Variants in PRMT8 observed in about 807,000 individuals in gnomAD.
PRMT8 encodes the protein protein arginine N-methyltransferase 8.
A neutral mutation model predicts 47.1 loss-of-function variants in PRMT8; 7 were observed. The observed-to-expected ratio is 0.15, with a 90% CI of 0.08 to 0.28. The LOEUF is 0.28. Ranked by LOEUF, PRMT8 falls within the 10% of genes least tolerant of loss-of-function variation. The pLI, the probability that PRMT8 is intolerant of heterozygous loss-of-function variation, is 1.00. For missense variants in PRMT8, 237 were observed against 505.4 expected, an observed-to-expected ratio of 0.47 and a Z score of 5.09; for synonymous variants, 188 against 186.5, an observed-to-expected ratio of 1.01 and a Z score of -0.07.
At chr12:3,404,111 T>G (rs1007979663) in intron 1 of PRMT8, among the ~76,000 whole-genome samples, 3 of 152,150 alleles carry the variant, frequency 2.0e-5, no homozygotes, top group Non-Finnish European at 2.9e-5. Context: ...AATGAAATGT[T>G]GTAGATACTG....
chr12:3,584,578 A>C (rs1867131827), intron 8 of PRMT8, among the ~76,000 whole-genome samples: 1 of 152,312 alleles, frequency 6.6e-6, no homozygotes, highest in South Asian at 2.1e-4. Context: ...AGAAGAAATC[A>C]GGACAAAAGA....
chr12:3,418,570 A>C (rs1389823669), intron 1 of PRMT8, among the ~76,000 whole-genome samples: 1 of 152,208 alleles, frequency 6.6e-6, no homozygotes, highest in Non-Finnish European at 1.5e-5. Context: ...TGCAAGGGGC[A>C]TCCTGCTGCA....
chr12:3,580,663 G>A lies in PRMT8; in HGVS notation c.829-2395G>A, dbSNP rs753105826. Among the ~76,000 whole-genome samples, 9 of 152,140 alleles carry A rather than the reference G, an allele frequency of 5.9e-5. No individual in the cohort carries two copies. Among genetic ancestry groups the A allele is most frequent in the East Asian group, 3.9e-4 (2 of 5,186 alleles). Reference sequence around the variant, plus strand: ...TCAGTGTATCGGCCAGGGCAAGGGCGAAGGTGGTGAGACTGCGATATGAGC... The same window carrying A: ...TCAGTGTATCGGCCAGGGCAAGGGCAAAGGTGGTGAGACTGCGATATGAGC... On this transcript the variant is annotated intron_variant, in intron 7 of 9. Transcript: ENST00000382622. This position sits in a 1 kb window ranked among gnomAD's most constrained non-coding sequence, Gnocchi z 4.6.
chr12:3,448,536 TA>T (rs1347197248), intron 1 of PRMT8, among the ~76,000 whole-genome samples: 10 of 152,314 alleles, frequency 6.6e-5, no homozygotes, highest in Non-Finnish European at 2.9e-5. Flanking sequence ...TTGGACTAGA[TA>T]CTTCTTTGTT....
intron 1 of PRMT8, among the ~76,000 whole-genome samples, chr12:3,395,576 A>T (rs1864240858): frequency 6.6e-6 from 1 of 150,678 alleles, no homozygotes; most frequent in African/African-American, 2.4e-5. Flanking sequence ...GGTCTGAGAG[A>T]TAGTTTGTTA....
At chr12:3,407,104 A>G (rs1434482593) in intron 1 of PRMT8, among the ~76,000 whole-genome samples, 1 of 152,184 alleles carries the variant, frequency 6.6e-6, no homozygotes, top group Non-Finnish European at 1.5e-5. Flanking sequence ...CCTTCTTAAT[A>G]TGGTGGCAGG....
chr12:3,507,123 T>C (rs936848678), intron 1 of PRMT8, among the ~76,000 whole-genome samples: 5 of 148,022 alleles, frequency 3.4e-5, no homozygotes, highest in Admixed American at 1.3e-4. Flanking sequence ...CCTTTCTTTT[T>C]TTTTTTTTTT....
chr12:3,525,894 T>A (rs1298310705), intron 1 of PRMT8, among the ~76,000 whole-genome samples: 1 of 152,196 alleles, frequency 6.6e-6, no homozygotes, highest in African/African-American at 2.4e-5. Flanking sequence ...ATTTACCATC[T>A]TAACCATTTT....
chr12:3,485,034 A>T (rs1190667926), intron 1 of PRMT8, among the ~76,000 whole-genome samples: 11 of 152,192 alleles, frequency 7.2e-5, no homozygotes, highest in Non-Finnish European at 1.6e-4. Context: ...GGTGCACCTC[A>T]GGCCTGAGTG....
At chr12:3,416,857 C>G (rs1400223423) in intron 1 of PRMT8, among the ~76,000 whole-genome samples, 5 of 152,172 alleles carry the variant, frequency 3.3e-5, no homozygotes, top group Non-Finnish European at 7.3e-5. Flanking sequence ...CTGCTGCAGG[C>G]TTAAGTACAT....
intron 1 of PRMT8, among the ~76,000 whole-genome samples, chr12:3,506,459 A>T (rs1226204608): frequency 2.6e-5 from 4 of 152,190 alleles, no homozygotes; most frequent in Admixed American, 2.6e-4. Flanking sequence ...CAGGTTAGCC[A>T]GGTGGAGTCA....
At chr12:3,525,519 T>C (rs1013531746) in intron 1 of PRMT8, among the ~76,000 whole-genome samples, 6 of 152,228 alleles carry the variant, frequency 3.9e-5, no homozygotes, top group Admixed American at 6.5e-5. Flanking sequence ...TTTTCTAGGC[T>C]TCAGGACCCA....
chr12:3,384,500 G>T (rs1402608562), intron 1 of PRMT8, among the ~76,000 whole-genome samples: 1 of 152,132 alleles, frequency 6.6e-6, no homozygotes, highest in Non-Finnish European at 1.5e-5. Flanking sequence ...ATATCTGGAG[G>T]CAGACAGTTC....
In PRMT8 at chr12:3,409,756, G is replaced by T. The variant is rs1195574731; in HGVS notation, c.48+28314G>T. Among the ~76,000 whole-genome samples the T allele has an allele frequency of 6.6e-6, 1 of 152,138 alleles. No homozygotes were observed. Among genetic ancestry groups the T allele is most frequent in the East Asian group, 1.9e-4 (1 of 5,188 alleles). ...AGGCATTTATTTCCTGGGAGGTTGG[G>T]AGCCACTTCAGCTCAGGTGCTGGGG... On this transcript the variant is annotated intron_variant, in intron 1 of 9. Transcript: ENST00000452611. The surrounding 1 kb of genome is among the most constrained non-coding windows in gnomAD (Gnocchi z 4.4).
chr12:3,505,733 T>G (rs902234423), intron 1 of PRMT8, among the ~76,000 whole-genome samples: 33 of 152,206 alleles, frequency 2.2e-4, no homozygotes, highest in African/African-American at 8.0e-4. Context: ...CATGGCCTCC[T>G]TCCTCTCTTT....
intron 1 of PRMT8, among the ~76,000 whole-genome samples, chr12:3,431,392 A>G (rs931136973): frequency 1.3e-5 from 2 of 152,326 alleles, no homozygotes; most frequent in Admixed American, 6.5e-5. Context: ...AAGGCAGAAC[A>G]AAGATGCAGA....
chr12:3,548,715 T>C (rs1866368168), intron 2 of PRMT8, among the ~76,000 whole-genome samples: 1 of 152,232 alleles, frequency 6.6e-6, no homozygotes, highest in Non-Finnish European at 1.5e-5. Flanking sequence ...CACCTTGAAC[T>C]CTCACATTGC....
At chr12:3,397,502 T>C (rs548957601) in intron 1 of PRMT8, among the ~76,000 whole-genome samples, 28 of 150,662 alleles carry the variant, frequency 1.9e-4, no homozygotes, top group Non-Finnish European at 3.8e-4. Context: ...TGCTGGGGGG[T>C]GCCTCCCAGT....
At chr12:3,536,982 C>T (rs1447631660) in intron 1 of PRMT8, among the ~76,000 whole-genome samples, 1 of 152,250 alleles carries the variant, frequency 6.6e-6, no homozygotes, top group Non-Finnish European at 1.5e-5. Context: ...TCAACAGCTA[C>T]ATCATTATGA....
Sources: gnomAD v4.1 joint callset for allele counts (sites outside exome capture counted in the v4.1 genomes callset) on GRCh38, gnomAD v4.1.1 for gene constraint, Gnocchi (gnomAD v3.1) non-coding constraint, MANE v1.5 for transcripts, NCBI Gene and HGNC (gene_info 2026-07-23, HGNC 2026-07-21) for gene names.